The following MALRD1 variants were observed in gnomAD, a reference collection of about 807,000 sequenced individuals.
MALRD1 encodes the protein MAM and LDL receptor class A domain containing 1.
Under a neutral mutation model 242.1 loss-of-function variants are expected in MALRD1, and 247 were observed. The observed-to-expected ratio is 1.02, with a 90% CI of 0.92 to 1.13. MALRD1 has a LOEUF of 1.13. MALRD1 is among the 50% of genes most tolerant of loss of function. The probability of loss-of-function intolerance (pLI) is 0.00; values close to 1 mark genes in which losing one functional copy is unlikely to be tolerated. For synonymous variants in MALRD1, 995 were observed against 866.6 expected, an observed-to-expected ratio of 1.15 and a Z score of -2.60; for missense variants, 2,989 against 2,533.1, an observed-to-expected ratio of 1.18 and a Z score of -3.86.
chr10:19,283,263 C>A (rs1338149024), intron 21 of MALRD1, 82 bp downstream of exon 21: 4 of 1,169,988 alleles, frequency 3.4e-6, no homozygotes, highest in African/African-American at 1.6e-5. Context: ...ACCACCTTAT[C>A]CTAGGCCAAT....
chr10:19,460,841 A>G (rs1835902793), intron 29 of MALRD1, among the ~76,000 whole-genome samples: 1 of 152,098 alleles, frequency 6.6e-6, no homozygotes, highest in Admixed American at 6.6e-5. Flanking sequence ...CACATGGATA[A>G]CTCATCTGAA....
At chr10:19,048,706 A>G, upstream of MALRD1, 1 of 336,194 alleles carries the variant, frequency 3.0e-6, no homozygotes, top group Non-Finnish European at 5.3e-6. Context: ...ATCTATAGTT[A>G]GCTAGATAAA....
intron 11 of MALRD1, among the ~76,000 whole-genome samples, chr10:19,149,400 C>T (rs952820344): frequency 3.3e-5 from 5 of 152,010 alleles, no homozygotes; most frequent in Non-Finnish European, 7.4e-5. Flanking sequence ...AATTTCCTTC[C>T]TGCCTTTTTT....
At chr10:19,380,603 C>A (rs187898743) in intron 26 of MALRD1, among the ~76,000 whole-genome samples, 66 of 151,894 alleles carry the variant, frequency 4.3e-4, no homozygotes, top group Non-Finnish European at 7.5e-4. Flanking sequence ...TAGTCTTTAC[C>A]ATAGAAGTTT....
intron 30 of MALRD1, among the ~76,000 whole-genome samples, chr10:19,493,632 A>G (rs1175852179): frequency 6.8e-6 from 1 of 147,030 alleles, no homozygotes; most frequent in Non-Finnish European, 1.5e-5. Flanking sequence ...ACATGGTGAA[A>G]CCCCGTCTCT....
intron 4 of MALRD1, among the ~76,000 whole-genome samples, chr10:19,097,220 C>T (rs535303971): frequency 2.6e-4 from 39 of 152,268 alleles, no homozygotes; most frequent in African/African-American, 8.9e-4. Context: ...AAATAACCTA[C>T]TAAATCCCAT....
intron 21 of MALRD1, among the ~76,000 whole-genome samples, chr10:19,307,418 T>G (rs536638714): frequency 6.6e-6 from 1 of 151,678 alleles, no homozygotes; most frequent in African/African-American, 2.4e-5. Flanking sequence ...TTGGAAGAGC[T>G]GAGCTGAATA....
At chr10:19,439,255 G>A (rs1208784587) in intron 28 of MALRD1, among the ~76,000 whole-genome samples, 1 of 151,198 alleles carries the variant, frequency 6.6e-6, no homozygotes, top group Non-Finnish European at 1.5e-5. Flanking sequence ...AAGAAGCTGG[G>A]CATGGTGGCT....
intron 36 of MALRD1, among the ~76,000 whole-genome samples, chr10:19,659,939 C>T (rs1471787612): frequency 1.3e-5 from 2 of 152,156 alleles, no homozygotes; most frequent in Non-Finnish European, 2.9e-5. Context: ...ATACAGAGCA[C>T]AGCCTGAGCT....
intron 38 of MALRD1, among the ~76,000 whole-genome samples, chr10:19,694,901 G>T (rs1833295639): frequency 6.6e-6 from 1 of 152,138 alleles, no homozygotes; most frequent in Non-Finnish European, 1.5e-5. Flanking sequence ...CATAAAAAAT[G>T]ATGAGTTCAT....
chr10:19,715,175 C>A (rs1834325365), intron 38 of MALRD1, among the ~76,000 whole-genome samples: 3 of 151,970 alleles, frequency 2.0e-5, no homozygotes, highest in Admixed American at 1.3e-4. Context: ...CTATACTGAC[C>A]ATTCTCAAAC....
chr10:19,557,139 T>G (rs10740916), intron 32 of MALRD1, among the ~76,000 whole-genome samples: 105,254 of 151,856 alleles, frequency 0.69, 40,290 homozygotes, highest in Non-Finnish European at 0.84. Flanking sequence ...CTCATCAGGT[T>G]GTTTATTTTC....
At chr10:19,474,888 A>G (rs1836656758) in intron 29 of MALRD1, among the ~76,000 whole-genome samples, 2 of 152,020 alleles carry the variant, frequency 1.3e-5, no homozygotes, top group South Asian at 4.1e-4. Context: ...ATCAAGGAGG[A>G]AAAAAAACCT....
At chr10:19,257,998 T>C (rs565940147) in intron 19 of MALRD1, among the ~76,000 whole-genome samples, 2 of 152,312 alleles carry the variant, frequency 1.3e-5, no homozygotes, top group East Asian at 3.9e-4. Flanking sequence ...CTATGACTTA[T>C]CACATGCAAA....
At chr10:19,670,619 G>T (rs756052227) in intron 36 of MALRD1, among the ~76,000 whole-genome samples, 1 of 152,142 alleles carries the variant, frequency 6.6e-6, no homozygotes, top group Non-Finnish European at 1.5e-5. Context: ...CTTCTTGAAA[G>T]AGTTGACCAC....
At chr10:19,145,328 C>A (rs564728477) in intron 10 of MALRD1, among the ~76,000 whole-genome samples, 1 of 152,178 alleles carries the variant, frequency 6.6e-6, no homozygotes, top group East Asian at 1.9e-4. Flanking sequence ...TGCTTGGCAA[C>A]TTTTGAGTTA....
rs548038531 is a variant in MALRD1 at position 19,272,519 on chromosome 10, A to T, written c.3080-7528A>T. ...TATTTCGTTTTAAATTTTATCTTTT[A>T]TTTATTTTTATTATATTTTAAGTTC... is the stretch of plus-strand genomic sequence containing the variant. On this transcript the variant is annotated intron_variant, in intron 19 of 39. Coordinates refer to ENST00000454679, the MANE Select transcript of MALRD1 (RefSeq NM_001142308.3). Among the ~76,000 whole-genome samples the T allele has an allele frequency of 2.6e-5, 4 of 152,212 alleles. No individual in the cohort carries two copies. In the South Asian group the frequency reaches 8.3e-4, roughly 32 times the overall value.
chr10:19,097,143 A>G (rs1282818385), intron 4 of MALRD1, among the ~76,000 whole-genome samples: 1 of 152,228 alleles, frequency 6.6e-6, no homozygotes, highest in African/African-American at 2.4e-5. Flanking sequence ...ACCCTTCACA[A>G]AAATCCTCTA....
intron 26 of MALRD1, among the ~76,000 whole-genome samples, chr10:19,382,628 A>G (rs1008635224): frequency 1.2e-4 from 18 of 152,212 alleles, no homozygotes; most frequent in Middle Eastern, 3.4e-3. Context: ...TGTTTAATTC[A>G]GATAAAGGTC....
Sources: allele counts gnomAD v4.1 joint callset (sites outside exome capture counted in the v4.1 genomes callset), GRCh38; gene constraint gnomAD v4.1.1; transcripts MANE v1.5; gene names NCBI Gene and HGNC (gene_info 2026-07-23, HGNC 2026-07-21).